Variants in DLGAP4 observed in about 807,000 individuals in gnomAD.
DLGAP4 encodes disks large-associated protein 4.
A neutral mutation model predicts 86.9 loss-of-function variants in DLGAP4; 18 were observed. The ratio of observed to expected loss-of-function variants is 0.21; its 90% CI spans 0.14 to 0.31. The LOEUF (loss-of-function observed/expected upper bound fraction) is 0.31, where lower values mean the gene tolerates loss of function less well. Among genes scored for constraint, DLGAP4 ranks in the 10% least tolerant of loss-of-function variants. The pLI is 1.00. For missense variants in DLGAP4, 1,085 were observed against 1,362.6 expected (o/e 0.80, Z 3.21); for synonymous variants, 548 against 574.3 (o/e 0.95, Z 0.65).
intron 1 of DLGAP4, among the ~76,000 whole-genome samples, chr20:36,328,888 G>T (rs1475638259): frequency 1.3e-5 from 2 of 151,804 alleles, no homozygotes; most frequent in Admixed American, 1.3e-4. Flanking sequence ...CAATTCTTCT[G>T]CCTCAGCCTC....
rs761839363 is a variant in DLGAP4, at chr20:36,496,882, C to T, written c.1826C>T (p.Ser609Leu). The change falls in exon 8 of 13, where the codon TCG (serine) becomes TTG (leucine). Residue 609 changes from serine to leucine, a missense_variant. Transcript: ENST00000339266. The part of the protein sequence containing the change: ...VTSQSGLSNS[S>L]DSLDSSTRPP... Reference sequence around the variant, plus strand: ...AGCCAGTCGGGCCTGAGCAACTCGTCGGACAGCCTGGACAGCAGTACCCGA... The same window carrying T: ...AGCCAGTCGGGCCTGAGCAACTCGTTGGACAGCCTGGACAGCAGTACCCGA... The T allele has an allele frequency of 6.2e-6, 10 of 1,614,082 alleles. No individual in the cohort carries two copies. The highest frequency in any genetic ancestry group is 1.3e-5 in the African/African-American group (1 of 74,936).
At chr20:36,358,881 T>G (rs921938476) in intron 1 of DLGAP4, among the ~76,000 whole-genome samples, 1 of 152,174 alleles carries the variant, frequency 6.6e-6, no homozygotes, top group Non-Finnish European at 1.5e-5. Context: ...AGGAACCAGG[T>G]AGATCATGGT....
chr20:36,362,005 G>A (rs1163274028), intron 1 of DLGAP4, among the ~76,000 whole-genome samples: 3 of 149,508 alleles, frequency 2.0e-5, no homozygotes, highest in Middle Eastern at 3.3e-3. Flanking sequence ...AAAAAGATAG[G>A]ACATTGCCAG....
intron 1 of DLGAP4, among the ~76,000 whole-genome samples, chr20:36,334,925 T>C (rs1323788636): frequency 6.6e-6 from 1 of 152,140 alleles, no homozygotes; most frequent in Non-Finnish European, 1.5e-5. Flanking sequence ...CTGAGCCCGA[T>C]TGCCCCCCGG....
At chr20:36,426,896 G>A (rs2147529367) in intron 2 of DLGAP4, among the ~76,000 whole-genome samples, 1 of 152,128 alleles carries the variant, frequency 6.6e-6, no homozygotes, top group East Asian at 1.9e-4. Flanking sequence ...AATGTTTCAG[G>A]GCTGGGTGTG....
intron 6 of DLGAP4, 116 bp downstream of exon 6, chr20:36,442,893 C>A: frequency 7.4e-7 from 1 of 1,347,730 alleles, no homozygotes; most frequent in Non-Finnish European, 1.1e-6. Context: ...AGAGCCATCA[C>A]CAGGAAAGCC....
chr20:36,444,327 C>T (rs534579663), intron 6 of DLGAP4, among the ~76,000 whole-genome samples: 1 of 152,298 alleles, frequency 6.6e-6, no homozygotes, highest in Non-Finnish European at 1.5e-5. Flanking sequence ...CTCTGTCACC[C>T]AGGCTGAGTG....
intron 2 of DLGAP4, among the ~76,000 whole-genome samples, chr20:36,396,044 G>A (rs887372781): frequency 2.0e-5 from 3 of 152,044 alleles, no homozygotes; most frequent in African/African-American, 4.8e-5. Flanking sequence ...GAGCCCACCT[G>A]CACACACAGC....
intron 2 of DLGAP4, among the ~76,000 whole-genome samples, chr20:36,376,059 C>T (rs573561209): frequency 1.3e-5 from 2 of 152,128 alleles, no homozygotes; most frequent in South Asian, 4.1e-4. Flanking sequence ...AGTTCAGTGG[C>T]GTGATCAGGG....
intron 2 of DLGAP4, among the ~76,000 whole-genome samples, chr20:36,396,613 CCACAGA>C (rs1421096383): frequency 7.0e-6 from 1 of 143,560 alleles, no homozygotes; most frequent in African/African-American, 2.6e-5. Flanking sequence ...CGCATACACA[CCACAGA>C]CACAAACACA....
At chr20:36,369,929 G>A (rs187396888) in intron 2 of DLGAP4, among the ~76,000 whole-genome samples, 121 of 152,088 alleles carry the variant, frequency 8.0e-4, no homozygotes, top group African/African-American at 2.9e-3. Flanking sequence ...GAGGAGGAAA[G>A]TGAGGCTTGG....
rs966778849 is a variant in DLGAP4 at position 36,312,272 on chromosome 20, G to A, written c.-304+5760G>A. On this transcript the variant is annotated intron_variant, in intron 1 of 12. Transcript: ENST00000339266. ...TGACCATGACCGGCAGTCCATTGGT[G>A]AGGAAGAACAAGATATTTGGCTCCT... Among the ~76,000 whole-genome samples, 3 of 152,228 alleles carry A rather than the reference G, an allele frequency of 2.0e-5. No individual in the cohort carries two copies. The East Asian group carries it at 5.8e-4, about 29-fold the overall frequency.
At chr20:36,327,288 C>G (rs1038677589) in intron 1 of DLGAP4, among the ~76,000 whole-genome samples, 1 of 152,078 alleles carries the variant, frequency 6.6e-6, no homozygotes, top group Non-Finnish European at 1.5e-5. Flanking sequence ...GCATGAGCCA[C>G]CATGCCTGAC....
chr20:36,450,839 A>G (rs376496095), intron 7 of DLGAP4, among the ~76,000 whole-genome samples: 1 of 152,224 alleles, frequency 6.6e-6, no homozygotes, highest in East Asian at 1.9e-4. Context: ...TTATTGATCC[A>G]TGGCAATTCT....
chr20:36,520,424 C>T (rs2037305627), intron 10 of DLGAP4, among the ~76,000 whole-genome samples: 1 of 152,094 alleles, frequency 6.6e-6, no homozygotes, highest in East Asian at 1.9e-4. Flanking sequence ...CAGCTCACTG[C>T]ACCCTCCACC....
chr20:36,501,472 C>T (rs1211270267), intron 10 of DLGAP4, among the ~76,000 whole-genome samples: 1 of 152,202 alleles, frequency 6.6e-6, no homozygotes, highest in Non-Finnish European at 1.5e-5. Flanking sequence ...AAGTTTCTAC[C>T]TATATCATGC....
At chr20:36,376,498 AT>A (rs1338767045) in intron 2 of DLGAP4, among the ~76,000 whole-genome samples, 1 of 152,162 alleles carries the variant, frequency 6.6e-6, no homozygotes, top group Non-Finnish European at 1.5e-5. Context: ...TTTTAAAAAA[AT>A]AAATCAAGAT....
At chr20:36,455,533 G>A (rs1284519565) in intron 7 of DLGAP4, among the ~76,000 whole-genome samples, 1 of 152,144 alleles carries the variant, frequency 6.6e-6, no homozygotes, top group Non-Finnish European at 1.5e-5. Flanking sequence ...GACCTGGGAT[G>A]GGCTCCAGGC....
At chr20:36,419,469 G>C (rs767066500) in intron 2 of DLGAP4, among the ~76,000 whole-genome samples, 3 of 152,118 alleles carry the variant, frequency 2.0e-5, no homozygotes, top group Non-Finnish European at 4.4e-5. Context: ...CCAAAACTTG[G>C]CCATGGTTTC....
Sources: gnomAD v4.1 joint callset for allele counts (sites outside exome capture counted in the v4.1 genomes callset) on GRCh38, gnomAD v4.1.1 for gene constraint, MANE v1.5 for transcripts, NCBI Gene and HGNC (gene_info 2026-07-23, HGNC 2026-07-21) for gene names.